CDCA5: variants seen among roughly 807,000 people sequenced by gnomAD.
CDCA5 encodes the protein cell division cycle associated 5.
CDCA5 carries 14 observed loss-of-function variants against 25.7 expected under a neutral mutation model. The ratio of observed to expected loss-of-function variants is 0.54; its 90% CI spans 0.36 to 0.85. The LOEUF is 0.85. Ranked by LOEUF, CDCA5 falls within the 40% of genes least tolerant of loss-of-function variation. The pLI, the probability that CDCA5 is intolerant of heterozygous loss-of-function variation, is 0.01. For synonymous variants in CDCA5, 127 were observed against 128.7 expected, an observed-to-expected ratio of 0.99 and a Z score of 0.09; for missense variants, 307 against 324.5, an observed-to-expected ratio of 0.95 and a Z score of 0.41.
At chr11:65,069,235 CAAA>C (rs538955897) in intron 1 of CDCA5, among the ~76,000 whole-genome samples, 2 of 85,928 alleles carry the variant, frequency 2.3e-5, no homozygotes, top group African/African-American at 5.0e-5. Context: ...GCGAGACTCT[CAAA>C]AAAAAAAAAA....
downstream of CDCA5, chr11:65,066,247 C>T: frequency 1.1e-6 from 1 of 913,722 alleles, no homozygotes. Context: ...ACGTGGTGAC[C>T]TCCTGCTCCC....
rs1239009420 is a variant in CDCA5 at position 65,079,300 on chromosome 11, C to T, written c.678+53G>A. On this transcript the variant is annotated intron_variant, in intron 5 of 5. Transcript: ENST00000275517. ...CCCCCAAAAGAGCCAGAGCCCCAGC[C>T]CTGCACGTCTCCCAGAGCACACGGC... 4 of 1,613,154 alleles carry T rather than the reference C, an allele frequency of 2.5e-6. 1 individual carries two copies. In the South Asian group the frequency reaches 3.3e-5, roughly 13 times the overall value.
intron 5 of CDCA5, chr11:65,066,703 G>A (rs1031451711): frequency 7.2e-5 from 93 of 1,287,668 alleles, no homozygotes; most frequent in Non-Finnish European, 8.9e-5. Flanking sequence ...TGCAGGGCTC[G>A]AGGTGGGTAG....
intron 2 of CDCA5, chr11:65,068,416 A>T: frequency 1.1e-6 from 1 of 943,360 alleles, no homozygotes; most frequent in Non-Finnish European, 1.5e-6. Flanking sequence ...CCATTCAGAT[A>T]CAGGAAGAAT....
rs570438854 is a variant in CDCA5, at chr11:65,066,515, G to A, written c.563+37C>T. 8.5e-5 allele frequency: 109 copies of A among 1,289,230 alleles called. No homozygotes were observed. The Middle Eastern group carries it at 1.7e-3, about 20-fold the overall frequency. 79.9% of individuals were successfully genotyped at this position (1,289,230 alleles called of 1,614,324 possible). A position where few individuals can be genotyped will look rare whatever the true frequency, so the allele number is the denominator to read the frequency against. ...CTCGAGTGAGCAGCATGGGGCAGCC[G>A]CCTCTTCCCTCCCCGCTGCCATGGC... On this transcript the variant is annotated intron_variant, in intron 6 of 6. Coordinates refer to the CDCA5 transcript ENST00000525464.
chr11:65,073,264 A>T (rs563533367), downstream of CDCA5, among the ~76,000 whole-genome samples: 2 of 152,122 alleles, frequency 1.3e-5, no homozygotes, highest in East Asian at 3.9e-4. Context: ...ATTTTTAAAC[A>T]CTGTGGCATA....
At chr11:65,062,248 ATTGTATTC>A (rs1947193161), downstream of CDCA5, among the ~76,000 whole-genome samples, 1 of 151,936 alleles carries the variant, frequency 6.6e-6, no homozygotes, top group African/African-American at 2.4e-5. Context: ...GGCCTCTCTG[ATTGTATTC>A]TTGTCCCCTC....
Position 65,083,975 on chromosome 11 carries a change from A to C in CDCA5, c.4T>G (p.Ser2Ala), listed in dbSNP as rs776825000. The C allele has an allele frequency of 4.7e-6, 7 of 1,487,956 alleles. No individual in the cohort carries two copies. In the East Asian group the frequency reaches 1.7e-4, roughly 37 times the overall value. The allele number at this position is 1,487,956 out of a possible 1,614,324, so 92.2% of individuals were successfully genotyped here. A position where few individuals can be genotyped will look rare whatever the true frequency, so the allele number is the denominator to read the frequency against. MSGRRTRSGGAA... is the reference protein window; with the variant it reads MAGRRTRSGGAA... ...CCTCCGGACCGCGTTCGCCTCCCAG[A>C]CATAACTTAGGCTCCGTCTCGAGCT... Residue 2 changes from serine (S) to alanine (A), a missense_variant, in exon 1 of 6, where the codon TCT becomes GCT. Coordinates refer to ENST00000275517, the MANE Select transcript of CDCA5 (RefSeq NM_080668.4).
rs1480080431 is a variant in CDCA5 at position 65,078,865 on chromosome 11, A to G, written c.*242T>C. On this transcript the variant is annotated 3_prime_UTR_variant, in exon 6 of 6. Transcript: ENST00000275517. ...GCTATGGTACTTTGGGGAGATAGGA[A>G]GGACAGGACGACAAGAGACAGGACA... 1.6e-6 allele frequency: 2 copies of G among 1,221,356 alleles called. No homozygotes were observed. Among genetic ancestry groups the G allele is most frequent in the Non-Finnish European group, 2.0e-6 (2 of 980,768 alleles). The allele number at this position is 1,221,356 out of a possible 1,614,324, so 75.7% of individuals were successfully genotyped here.
At chr11:65,066,805 G>A in intron 5 of CDCA5, 1 of 1,289,344 alleles carries the variant, frequency 7.8e-7, no homozygotes, top group Non-Finnish European at 1.0e-6. Flanking sequence ...CCTGGCTCAG[G>A]GTCTTACCAG....
At chr11:65,068,179 G>C (rs1433417616) in intron 2 of CDCA5, 1 of 1,102,394 alleles carries the variant, frequency 9.1e-7, no homozygotes, top group African/African-American at 1.6e-5. Flanking sequence ...CAAGAGCCTG[G>C]GTCCTCCCAC....
chr11:65,075,951 G>A (rs1947436201), downstream of CDCA5, among the ~76,000 whole-genome samples: 1 of 152,210 alleles, frequency 6.6e-6, no homozygotes, highest in Admixed American at 6.5e-5. Context: ...GCAGAGGCCC[G>A]AGCTTAGTAT....
At position 65,077,784 on chromosome 11, in the gene CDCA5, G is replaced by A. The variant is rs142504769; in HGVS notation, c.*1323C>T. ...CTGGCAGAGGGTTTTATTAGGGCCC[G>A]CCTGGCCTGCACCGTTTCATCCAAG... On this transcript the variant is annotated 3_prime_UTR_variant, in exon 6 of 6. Coordinates refer to ENST00000275517, the MANE Select transcript of CDCA5 (RefSeq NM_080668.4). The A allele has an allele frequency of 1.1e-3, 1,050 of 985,568 alleles. 9 individuals are homozygous for A. The African/African-American group carries it at 0.017, about 16-fold the overall frequency. The allele number at this position is 985,568 out of a possible 1,614,324, so 61.1% of individuals were successfully genotyped here.
At chr11:65,074,652 TG>T (rs1233669422), downstream of CDCA5, among the ~76,000 whole-genome samples, 2 of 145,684 alleles carry the variant, frequency 1.4e-5, no homozygotes, top group African/African-American at 5.1e-5. Flanking sequence ...GGTGGAAGGA[TG>T]GCTTGAGTCT....
chr11:65,077,952 A>G lies in CDCA5; in HGVS notation c.*1155T>C. On this transcript the variant is annotated 3_prime_UTR_variant, in exon 6 of 6. Coordinates refer to ENST00000275517, the MANE Select transcript of CDCA5 (RefSeq NM_080668.4). Reference sequence around the variant, plus strand: ...GCGGCAGGAGAGTCGGGGGCAGGGCAGCCTTCAAATCCACACTATTGAATC... The same window carrying G: ...GCGGCAGGAGAGTCGGGGGCAGGGCGGCCTTCAAATCCACACTATTGAATC... 2 of 985,562 alleles carry G rather than the reference A, an allele frequency of 2.0e-6. No individual in the cohort carries two copies. Among genetic ancestry groups the G allele is most frequent in the East Asian group, 2.3e-4 (2 of 8,822 alleles). 61.1% of individuals were successfully genotyped at this position (985,562 alleles called of 1,614,324 possible). A position where few individuals can be genotyped will look rare whatever the true frequency, so the allele number is the denominator to read the frequency against.
exon 4 of CDCA5, chr11:65,067,657 C>T (rs1349671716): frequency 1.6e-6 from 2 of 1,289,500 alleles, no homozygotes; most frequent in Non-Finnish European, 1.0e-6. Flanking sequence ...CAGATCACCT[C>T]ATGCAGTCAT....
At chr11:65,067,605 C>T (rs935537158) in intron 4 of CDCA5, 98 of 1,182,828 alleles carry the variant, frequency 8.3e-5, no homozygotes, top group Middle Eastern at 5.6e-4. Context: ...TGGCCTTGGT[C>T]GGGGGAAGCC....
At chr11:65,072,757 A>C (rs1234412515), downstream of CDCA5, among the ~76,000 whole-genome samples, 1 of 152,020 alleles carries the variant, frequency 6.6e-6, no homozygotes, top group East Asian at 1.9e-4. Context: ...CCTGAGCTGG[A>C]GTTTACACAG....
chr11:65,064,336 T>C (rs910794176), downstream of CDCA5, among the ~76,000 whole-genome samples: 3 of 145,020 alleles, frequency 2.1e-5, no homozygotes, highest in Non-Finnish European at 4.5e-5. Flanking sequence ...GAGAATGGCA[T>C]GAAGCCAGGA....
Sources: gnomAD v4.1 joint callset for allele counts (sites outside exome capture counted in the v4.1 genomes callset) on GRCh38, gnomAD v4.1.1 for gene constraint, MANE v1.5 for transcripts, NCBI Gene and HGNC (gene_info 2026-07-23, HGNC 2026-07-21) for gene names.